Variants in RNF14 observed in about 807,000 individuals in gnomAD.
The protein encoded by RNF14 is E3 ubiquitin-protein ligase RNF14.
RNF14 carries 26 observed loss-of-function variants against 52.6 expected under a neutral mutation model. That is an observed-to-expected ratio of 0.49 (90% confidence interval 0.36 to 0.69). RNF14 has a LOEUF of 0.69. Among genes scored for constraint, RNF14 ranks in the 30% least tolerant of loss-of-function variants. The pLI, the probability that RNF14 is intolerant of heterozygous loss-of-function variation, is 0.00. For missense variants in RNF14, 404 were observed against 560.4 expected (o/e 0.72, Z 2.82); for synonymous variants, 194 against 202.0 (o/e 0.96, Z 0.34).
At chr5:141,983,580 C>T in intron 7 of RNF14, 28 bp downstream of exon 7, 1 of 1,580,134 alleles carries the variant, frequency 6.3e-7, no homozygotes, top group African/African-American at 1.4e-5. Flanking sequence ...GACTTGGAGG[C>T]CATCAGACTT....
intron 2 of RNF14, among the ~76,000 whole-genome samples, chr5:141,972,685 C>T (rs866266358): frequency 2.6e-5 from 4 of 151,960 alleles, no homozygotes; most frequent in South Asian, 4.1e-4. Context: ...CTGCCTCCCA[C>T]GTTCAAGCAG....
chr5:141,985,812 C>T (rs541018856), intron 8 of RNF14, among the ~76,000 whole-genome samples: 19 of 152,318 alleles, frequency 1.2e-4, no homozygotes, highest in African/African-American at 3.8e-4. Flanking sequence ...CTCGGCCTCC[C>T]AAAGTGCTGG....
chr5:141,984,891 C>A lies in RNF14; in HGVS notation c.1325C>A (p.Pro442His). The change falls in exon 8 of 9, where the codon CCT becomes CAT. Residue 442 changes from proline (P) to histidine (H), a missense_variant. Physicochemically the swap from Pro to His is moderately conservative, Grantham distance 77 (BLOSUM62 -2). Transcript: ENST00000394520. The stretch of plus-strand genomic sequence containing the variant: ...ATGGGTTCTCTCTCTAGAGCAAACC[C>A]TTACAAACATTTCAATGACCCTGGT... ...ICMGSLSRANPYKHFNDPGSP... is the reference protein window; with the variant it reads ...ICMGSLSRANHYKHFNDPGSP... 6.2e-7 allele frequency: 1 copy of A among 1,613,902 alleles called. No individual in the cohort carries two copies. Among genetic ancestry groups the A allele is most frequent in the Non-Finnish European group, 8.5e-7 (1 of 1,179,846 alleles).
upstream of RNF14, among the ~76,000 whole-genome samples, chr5:141,965,653 T>C (rs252139): frequency 0.88 from 134,624 of 152,286 alleles, 59,784 homozygotes; most frequent in East Asian, 0.98. Context: ...TCCACCACTG[T>C]GTGATACTGG....
chr5:141,957,411 G>T, upstream of RNF14: 1 of 1,613,160 alleles, frequency 6.2e-7, no homozygotes, highest in Non-Finnish European at 8.5e-7. This position sits in a 1 kb window ranked among gnomAD's most constrained non-coding sequence, Gnocchi z 4.3. Context: ...GCAGAGAGGC[G>T]CTCTCAGAGA....
chr5:141,954,296 C>T (rs1366593993), upstream of RNF14, among the ~76,000 whole-genome samples: 1 of 152,190 alleles, frequency 6.6e-6, no homozygotes, highest in African/African-American at 2.4e-5. Context: ...TTTGCAACAC[C>T]TGGGTTTGGG....
At chr5:141,955,991 T>G (rs1466571070), upstream of RNF14, 1 of 1,614,106 alleles carries the variant, frequency 6.2e-7, no homozygotes. The surrounding 1 kb of genome is among the most constrained non-coding windows in gnomAD (Gnocchi z 5.5). Context: ...CTTGCCACAA[T>G]GGTTGTCAAA....
chr5:141,956,271 C>T (rs1242551115), upstream of RNF14: 2 of 1,614,224 alleles, frequency 1.2e-6, no homozygotes, highest in Middle Eastern at 1.6e-4. Flanking sequence ...AGCCGGCCAT[C>T]TCTTCATAGT....
intron 7 of RNF14, among the ~76,000 whole-genome samples, 178 bp from the exon 8 acceptor site, chr5:141,984,625 T>C (rs1053121751): frequency 2.9e-4 from 44 of 152,330 alleles, no homozygotes; most frequent in African/African-American, 9.4e-4. Context: ...TTTCTGTATT[T>C]TACTTCTAAT....
chr5:141,955,131 A>G (rs1422617924), upstream of RNF14: 1 of 1,614,200 alleles, frequency 6.2e-7, no homozygotes, highest in Non-Finnish European at 8.5e-7. The surrounding 1 kb of genome is among the most constrained non-coding windows in gnomAD (Gnocchi z 5.5). Flanking sequence ...TCAGGGTTGC[A>G]GAGGAGGCTG....
the RNF14 span, among the ~76,000 whole-genome samples, chr5:141,951,244 C>T: frequency 6.6e-6 from 1 of 152,212 alleles, no homozygotes; most frequent in African/African-American, 2.4e-5. Context: ...TCCTTGGTGA[C>T]TACTGTATTG....
chr5:141,980,158 T>C lies in RNF14; in HGVS notation c.870T>C (p.Arg290=), dbSNP rs372835475. 65 of 1,614,128 alleles carry C rather than the reference T, an allele frequency of 4.0e-5. No individual in the cohort carries two copies. Among genetic ancestry groups the C allele is most frequent in the Non-Finnish European group, 5.1e-5 (60 of 1,180,056 alleles). ...TAGTGGAAGCAGAGTTATTTGCCCGTTATGACCGCCTTCTCCTCCAGTCCT... is the reference window on the plus strand; with the variant it reads ...TAGTGGAAGCAGAGTTATTTGCCCGCTATGACCGCCTTCTCCTCCAGTCCT... ...KELVEAELFA[R]YDRLLLQSSL... is the part of the protein sequence containing the mutation. The change falls in exon 6 of 9, where the codon CGT becomes CGC. Residue 290 remains arginine, a synonymous_variant. Transcript: ENST00000394520.
chr5:141,985,062 A>C, intron 8 of RNF14, 129 bp downstream of exon 8: 1 of 844,644 alleles, frequency 1.2e-6, no homozygotes, highest in Non-Finnish European at 1.8e-6. Context: ...TTCCCCTATA[A>C]AGGAATTTTC....
upstream of RNF14, chr5:141,956,144 G>A (rs773759021): frequency 6.2e-7 from 1 of 1,614,198 alleles, no homozygotes; most frequent in Non-Finnish European, 8.5e-7. Flanking sequence ...CCATCGCTGA[G>A]CACAGGCTGG....
At chr5:141,952,099 G>A in the RNF14 span, among the ~76,000 whole-genome samples, 1 of 152,316 alleles carries the variant, frequency 6.6e-6, no homozygotes, top group Non-Finnish European at 1.5e-5. Context: ...CTTAATAAGT[G>A]CCAGGCAGGG....
upstream of RNF14, chr5:141,957,601 C>A (rs200573476): frequency 1.9e-6 from 3 of 1,614,210 alleles, no homozygotes; most frequent in South Asian, 1.1e-5. This position sits in a 1 kb window ranked among gnomAD's most constrained non-coding sequence, Gnocchi z 4.3. Context: ...GCTGAGCAAG[C>A]CTTCCTCAGA....
intron 1 of RNF14, among the ~76,000 whole-genome samples, chr5:141,959,222 C>T (rs1561537684): frequency 6.6e-6 from 1 of 152,184 alleles, no homozygotes; most frequent in Non-Finnish European, 1.5e-5. Flanking sequence ...TTCCCCCTTC[C>T]TCCAATTCTT....
At chr5:141,958,800 A>G (rs1753227756) in intron 1 of RNF14, 1 of 152,296 alleles carries the variant, frequency 6.6e-6, no homozygotes, top group Admixed American at 6.5e-5. Flanking sequence ...TAGCCCTTTC[A>G]GCAGGAAACT....
At chr5:141,972,579 G>A (rs1277362207) in intron 2 of RNF14, among the ~76,000 whole-genome samples, 1 of 151,862 alleles carries the variant, frequency 6.6e-6, no homozygotes, top group Admixed American at 6.6e-5. Context: ...GATTCCTGTG[G>A]ATTTAAAAAA....
Sources: gnomAD v4.1 joint callset for allele counts (sites outside exome capture counted in the v4.1 genomes callset) on GRCh38, gnomAD v4.1.1 for gene constraint, Gnocchi (gnomAD v3.1) non-coding constraint, MANE v1.5 for transcripts, NCBI Gene and HGNC (gene_info 2026-07-23, HGNC 2026-07-21) for gene names.